The following ITGA1 variants were observed in gnomAD, a reference collection of about 807,000 sequenced individuals.
ITGA1 encodes the protein integrin alpha-1.
Under a neutral mutation model 145.9 loss-of-function variants are expected in ITGA1, and 85 were observed. The observed-to-expected ratio is 0.58, with a 90% CI of 0.49 to 0.70. The LOEUF is 0.70. Among genes scored for constraint, ITGA1 ranks in the 30% least tolerant of loss-of-function variants. ITGA1 has a pLI of 0.00. For missense variants in ITGA1, 1,351 were observed against 1,418.7 expected, an observed-to-expected ratio of 0.95 and a Z score of 0.77; for synonymous variants, 520 against 495.3, an observed-to-expected ratio of 1.05 and a Z score of -0.66.
chr5:52,830,611 T>C (rs1051055672), intron 1 of ITGA1, among the ~76,000 whole-genome samples: 7 of 152,320 alleles, frequency 4.6e-5, no homozygotes, highest in East Asian at 1.9e-4. Context: ...AAAGTTCTTT[T>C]TATACTTTTA....
intron 1 of ITGA1, among the ~76,000 whole-genome samples, chr5:52,826,269 A>C (rs1020973920): frequency 6.6e-6 from 1 of 152,230 alleles, no homozygotes; most frequent in African/African-American, 2.4e-5. Context: ...AGCCTAATCC[A>C]AAGCAAGATC....
intron 14 of ITGA1, among the ~76,000 whole-genome samples, chr5:52,910,963 A>ATG (rs1750504120): frequency 7.6e-6 from 1 of 131,384 alleles, no homozygotes; most frequent in Admixed American, 8.1e-5. Flanking sequence ...TATATACACT[A>ATG]TATATACTAT....
At chr5:52,860,205 A>G (rs1444337591) in intron 2 of ITGA1, among the ~76,000 whole-genome samples, 1 of 152,184 alleles carries the variant, frequency 6.6e-6, no homozygotes, top group Non-Finnish European at 1.5e-5. Flanking sequence ...TATGGTGCTG[A>G]TTGATAACTA....
intron 1 of ITGA1, chr5:52,800,662 G>C (rs1176205894): frequency 6.2e-7 from 1 of 1,614,174 alleles, no homozygotes; most frequent in African/African-American, 1.3e-5. Flanking sequence ...CAACATCCAA[G>C]AGAATGAGTA....
At chr5:52,809,950 G>A (rs1281846967) in intron 1 of ITGA1, among the ~76,000 whole-genome samples, 1 of 152,154 alleles carries the variant, frequency 6.6e-6, no homozygotes, top group Non-Finnish European at 1.5e-5. Flanking sequence ...ACCCTCATAA[G>A]AAAATGAAAA....
chr5:52,910,284 A>G lies in ITGA1; in HGVS notation c.1722A>G (p.Ala574=), dbSNP rs1179144958. The G allele has an allele frequency of 1.2e-6, 2 of 1,613,980 alleles. No individual in the cohort carries two copies. Among genetic ancestry groups the G allele is most frequent in the Admixed American group, 3.3e-5 (2 of 59,994 alleles). Residue 574 remains alanine, a synonymous_variant, in exon 14 of 29, where the codon GCA becomes GCG. Coordinates refer to ENST00000282588, the MANE Select transcript of ITGA1 (RefSeq NM_181501.2). ...CATGCGGGGCTCGTTTTGGAACTGC[A>G]ATTGCTGCTGTAAAAGACCTCAATC... ...NEPCGARFGT[A]IAAVKDLNLD...
In ITGA1 at chr5:52,955,744, A is replaced by G. The variant is rs140019900; in HGVS notation, c.*3293A>G. On this transcript the variant is annotated 3_prime_UTR_variant, in exon 29 of 29. Transcript: ENST00000282588. ...CACTTTGTAAATATTTTGAACTTCT[A>G]TGATCCAATTTCAACTTCATTGGTC... 6.6e-5 allele frequency: 10 copies of G among 152,284 alleles called. No homozygotes were observed. The highest frequency in any genetic ancestry group is 1.3e-4 in the Non-Finnish European group (9 of 68,022). 9.4% of individuals were successfully genotyped at this position (152,284 alleles called of 1,614,324 possible). A position where few individuals can be genotyped will look rare whatever the true frequency, so the allele number is the denominator to read the frequency against.
chr5:52,820,522 T>TAAAAAAAAA (rs55942732), intron 1 of ITGA1, among the ~76,000 whole-genome samples: 1 of 146,498 alleles, frequency 6.8e-6, no homozygotes. Context: ...TAAAGTATAA[T>TAAAAAAAAA]AAAAAAAAAA....
At chr5:52,932,210 G>C (rs1016638990) in intron 22 of ITGA1, 74 bp downstream of exon 22, 28 of 887,366 alleles carry the variant, frequency 3.2e-5, no homozygotes, top group Non-Finnish European at 4.7e-5. Flanking sequence ...GTCCCTGCCT[G>C]GCCAAGGGCA....
rs139925019 is a variant in ITGA1 at position 52,826,278 on chromosome 5, T to C, written c.62-23087T>C. ...AGCCAAAGCCTAATCCAAAGCAAGA[T>C]CCTAACTCTCTTCAGTTCTATGAAG... On this transcript the variant is annotated intron_variant, in intron 1 of 28. Coordinates refer to ENST00000282588, the MANE Select transcript of ITGA1 (RefSeq NM_181501.2). 2.9e-3 allele frequency among the ~76,000 whole-genome samples: 445 copies of C among 152,208 alleles called. 5 individuals are homozygous for C. Among genetic ancestry groups the C allele is most frequent in the African/African-American group, 1.0e-2 (414 of 41,528 alleles).
chr5:52,949,490 A>G (rs1005546059), intron 28 of ITGA1, among the ~76,000 whole-genome samples: 5 of 152,174 alleles, frequency 3.3e-5, no homozygotes, highest in Non-Finnish European at 4.4e-5. Flanking sequence ...ACCTGAGGAC[A>G]TTAAAGCAAA....
intron 6 of ITGA1, among the ~76,000 whole-genome samples, chr5:52,880,442 T>C (rs1749939804): frequency 6.6e-6 from 1 of 152,224 alleles, no homozygotes; most frequent in South Asian, 2.1e-4. Context: ...AATTTGGGCT[T>C]CTCTTATTTG....
chr5:52,904,598 T>TA (rs543023431), intron 11 of ITGA1: 57 of 152,348 alleles, frequency 3.7e-4, no homozygotes, highest in African/African-American at 1.3e-3. Context: ...CTCACGCCTG[T>TA]AATCCCAGCA....
chr5:52,883,272 G>A (rs1417288242), intron 7 of ITGA1, among the ~76,000 whole-genome samples: 3 of 152,146 alleles, frequency 2.0e-5, no homozygotes, highest in Admixed American at 6.5e-5. Context: ...GGAGCTGTAC[G>A]TTTTCCAAAG....
chr5:52,878,643 A>G (rs993038532), intron 6 of ITGA1, among the ~76,000 whole-genome samples: 4 of 152,224 alleles, frequency 2.6e-5, no homozygotes, highest in Admixed American at 2.6e-4. Flanking sequence ...GTTTACGACA[A>G]TTAGATTAAA....
chr5:52,872,575 AT>A lies in ITGA1; in HGVS notation c.624+6776del, dbSNP rs58664401. 1.0e-3 allele frequency among the ~76,000 whole-genome samples: 99 copies of A among 98,360 alleles called. 3 individuals are homozygous for A. The Middle Eastern group carries it at 0.019, about 19-fold the overall frequency. 64.5% of individuals were successfully genotyped at this position (98,360 alleles called of 152,430 possible). On this transcript the variant is annotated intron_variant, in intron 6 of 28. Transcript: ENST00000282588. ...CTTCCCCTTACACCCGCCTCAGTCAATTTTTTTTTTTTTTTTTTGTGGGTGG... is the reference window on the plus strand; with the variant it reads ...CTTCCCCTTACACCCGCCTCAGTCAATTTTTTTTTTTTTTTTTGTGGGTGG...
chr5:52,849,289 C>A, intron 1 of ITGA1, 76 bp from the exon 2 acceptor site: 2 of 1,262,950 alleles, frequency 1.6e-6, no homozygotes, highest in African/African-American at 1.5e-5. Context: ...GTAACCTTAA[C>A]CATGCCTTCC....
chr5:52,893,934 C>CTT lies in ITGA1; in HGVS notation c.1090+108_1090+109dup, dbSNP rs35782834. On this transcript the variant is annotated intron_variant, in intron 9 of 28. Transcript: ENST00000282588. ...ATTTATTCCTAATACATCAGTAATA[C>CTT]TTTTTTTTTTTTTTTACTGTGTACA... 4,075 of 678,892 alleles carry CTT rather than the reference C, an allele frequency of 6.0e-3. 1 individual carries two copies. Among genetic ancestry groups the CTT allele is most frequent in the East Asian group, 9.4e-3 (320 of 33,984 alleles). The allele number at this position is 678,892 out of a possible 1,614,324, so 42.1% of individuals were successfully genotyped here. A position where few individuals can be genotyped will look rare whatever the true frequency, so the allele number is the denominator to read the frequency against.
intron 23 of ITGA1, among the ~76,000 whole-genome samples, chr5:52,936,485 T>C (rs1750966624): frequency 6.6e-6 from 1 of 152,184 alleles, no homozygotes; most frequent in African/African-American, 2.4e-5. Context: ...GTTGGGTAGA[T>C]CACTGGCTTT....
Sources: gnomAD v4.1 joint callset for allele counts (sites outside exome capture counted in the v4.1 genomes callset) on GRCh38, gnomAD v4.1.1 for gene constraint, MANE v1.5 for transcripts, NCBI Gene and HGNC (gene_info 2026-07-23, HGNC 2026-07-21) for gene names.